The following CNTRL variants were observed in gnomAD, a reference collection of about 807,000 sequenced individuals.
CNTRL encodes 110 kDa centrosomal protein.
CNTRL carries 233 observed loss-of-function variants against 303.7 expected under a neutral mutation model. The ratio of observed to expected loss-of-function variants is 0.77; its 90% CI spans 0.69 to 0.86. CNTRL has a LOEUF of 0.86. Ranked by LOEUF, CNTRL falls within the 40% of genes least tolerant of loss-of-function variation. The pLI, the probability that CNTRL is intolerant of heterozygous loss-of-function variation, is 0.00. For missense variants in CNTRL, 2,524 were observed against 2,650.6 expected, an observed-to-expected ratio of 0.95 and a Z score of 1.05; for synonymous variants, 900 against 922.2, an observed-to-expected ratio of 0.98 and a Z score of 0.44.
At chr9:121,176,746 A>C (rs551686972) in intron 43 of CNTRL, among the ~76,000 whole-genome samples, 17 of 152,318 alleles carry the variant, frequency 1.1e-4, no homozygotes, top group Admixed American at 3.9e-4. Context: ...GAACTAGTTA[A>C]AAGTTAGGGG....
chr9:121,142,786 A>G (rs1473512179), intron 19 of CNTRL, among the ~76,000 whole-genome samples: 2 of 152,092 alleles, frequency 1.3e-5, no homozygotes, highest in Admixed American at 6.5e-5. Context: ...GTATCCACAC[A>G]CTTAAAATTT....
At position 121,141,583 on chromosome 9, in the gene CNTRL, G is replaced by T; in HGVS notation, c.2686G>T (p.Ala896Ser). The T allele has an allele frequency of 2.5e-6, 4 of 1,613,892 alleles. No individual in the cohort carries two copies. Among genetic ancestry groups the T allele is most frequent in the Non-Finnish European group, 3.4e-6 (4 of 1,179,896 alleles). ...FRQACERALE[A>S]RMNFDKRQHE... ...GCAGGCCTGTGAGAGAGCCCTGGAAGCAAGAGTAAGACAAGGGCAAGAGGC... is the reference window on the plus strand; with the variant it reads ...GCAGGCCTGTGAGAGAGCCCTGGAATCAAGAGTAAGACAAGGGCAAGAGGC... The change falls in exon 18 of 44, where the codon GCA becomes TCA. Residue 896 changes from alanine (A) to serine (S), a missense_variant. By Grantham distance (99) the Ala-to-Ser change is moderately conservative. Coordinates refer to ENST00000373855, the MANE Select transcript of CNTRL (RefSeq NM_007018.6).
intron 14 of CNTRL, among the ~76,000 whole-genome samples, chr9:121,126,840 A>G (rs892936727): frequency 2.8e-5 from 4 of 142,084 alleles, no homozygotes; most frequent in African/African-American, 7.6e-5. Flanking sequence ...TTTTTTTTTG[A>G]GATGAATTTT....
At chr9:121,125,564 A>T in intron 13 of CNTRL, 152 bp from the exon 14 acceptor site, 1 of 653,498 alleles carries the variant, frequency 1.5e-6, no homozygotes, top group Non-Finnish European at 2.6e-6. Flanking sequence ...TATCTATAAT[A>T]GGAAGAAAAT....
rs201781636 is a variant in CNTRL, at chr9:121,109,496, TTTAG to T, written c.1002+1506_1002+1509del. ...GTTCCATTAAATGTATTCTTCATAA[TTTAG>T]TTAGCCTATTCCTATTGATGGATAT... On this transcript the variant is annotated intron_variant, in intron 8 of 43. Coordinates refer to ENST00000373855, the MANE Select transcript of CNTRL (RefSeq NM_007018.6). 8.0e-3 allele frequency among the ~76,000 whole-genome samples: 1,211 copies of T among 152,318 alleles called. 15 individuals are homozygous for T. Among genetic ancestry groups the T allele is most frequent in the African/African-American group, 0.028 (1,146 of 41,584 alleles).
intron 4 of CNTRL, among the ~76,000 whole-genome samples, chr9:121,091,589 TC>T (rs1374240160): frequency 2.6e-5 from 4 of 152,160 alleles, no homozygotes; most frequent in Non-Finnish European, 4.4e-5. Flanking sequence ...ACACCTGTAA[TC>T]CCAGCACTTT....
intron 19 of CNTRL, among the ~76,000 whole-genome samples, chr9:121,142,718 CA>C (rs1310480932): frequency 6.6e-6 from 1 of 152,190 alleles, no homozygotes; most frequent in Non-Finnish European, 1.5e-5. Flanking sequence ...AAATTGCACC[CA>C]CCTCTGAAAT....
rs777276559 is a variant in CNTRL, at chr9:121,167,692, T to C, written c.5844+15T>C. On this transcript the variant is annotated intron_variant, in intron 37 of 43. Coordinates refer to ENST00000373855, the MANE Select transcript of CNTRL (RefSeq NM_007018.6). ...AACAAGAAATGGTACTACACATTTA[T>C]GATTTTACATAAAAAAAGCATTTTG... The C allele has an allele frequency of 4.4e-6, 7 of 1,601,134 alleles. No homozygotes were observed. The South Asian group carries it at 4.5e-5, about 10-fold the overall frequency.
In CNTRL at chr9:121,138,569, GA is replaced by G. The variant is rs771898333; in HGVS notation, c.2229del (p.Glu743AspfsTer43). The G allele has an allele frequency of 1.3e-5, 21 of 1,613,782 alleles. 1 individual carries two copies. Among genetic ancestry groups the G allele is most frequent in the Non-Finnish European group, 1.8e-5 (21 of 1,179,842 alleles). ...GTTAGAACAATCAGCCCTTCAAGCAGAACTTGAGAAGGAAAGGCAAGCCCTC... is the reference window on the plus strand; with the variant it reads ...GTTAGAACAATCAGCCCTTCAAGCAGACTTGAGAAGGAAAGGCAAGCCCTC... ...TQLEQSALQAELEKERQALKN... is the reference protein window; with the variant it reads ...TQLEQSALQAXLEKERQALKN... On this transcript the variant is annotated frameshift_variant, in exon 16 of 44. Coordinates refer to ENST00000373855, the MANE Select transcript of CNTRL (RefSeq NM_007018.6). LOFTEE classifies it high-confidence loss of function.
chr9:121,077,527 A>G (rs1482292871), intron 1 of CNTRL, among the ~76,000 whole-genome samples: 1 of 152,224 alleles, frequency 6.6e-6, no homozygotes. Context: ...CAAGCTTTAC[A>G]GAAGCTGTGG....
rs1217756472 is a variant in CNTRL at position 121,162,246 on chromosome 9, GA to G, written c.5405del (p.Lys1802SerfsTer9). On this transcript the variant is annotated frameshift_variant, in exon 34 of 44. Transcript: ENST00000373855. LOFTEE classifies it high-confidence loss of function. Reference sequence around the variant, plus strand: ...TCTCCAAGAGAAATGTGACATTTGGGAAAAAAAGTTGGCACAAACCAAAAGG... The same window carrying G: ...TCTCCAAGAGAAATGTGACATTTGGGAAAAAAGTTGGCACAAACCAAAAGG... ...EDLQEKCDIWEKKLAQTKRVL... is the reference protein window; with the variant it reads ...EDLQEKCDIWXKKLAQTKRVL... The G allele has an allele frequency of 1.2e-5, 20 of 1,613,898 alleles. No homozygotes were observed. Among genetic ancestry groups the G allele is most frequent in the Non-Finnish European group, 1.6e-5 (19 of 1,179,978 alleles).
chr9:121,123,069 C>CT (rs1353322228), intron 12 of CNTRL, among the ~76,000 whole-genome samples: 1 of 151,972 alleles, frequency 6.6e-6, no homozygotes, highest in Non-Finnish European at 1.5e-5. Context: ...TCTAAGAAAC[C>CT]TTTTTTAAAA....
chr9:121,175,347 G>A, intron 43 of CNTRL, 123 bp downstream of exon 43: 1 of 823,528 alleles, frequency 1.2e-6, no homozygotes, highest in South Asian at 1.4e-5. Context: ...GCTCACTGCA[G>A]CCTTGACCTC....
At position 121,168,186 on chromosome 9, in the gene CNTRL, G is replaced by A. The variant is rs1247710390; in HGVS notation, c.5935G>A (p.Glu1979Lys). Residue 1979 changes from glutamate (E) to lysine (K), a missense_variant, in exon 38 of 44, where the codon GAA (glutamate) becomes AAA (lysine). Transcript: ENST00000373855. ...ACTGAAGGAGCAACAGCACCAGCTGGAAAAGGAATTAACAGACCAGAAAAG... is the reference window on the plus strand; with the variant it reads ...ACTGAAGGAGCAACAGCACCAGCTGAAAAAGGAATTAACAGACCAGAAAAG... ...VTLKEQQHQL[E>K]KELTDQKSKL... is the part of the protein sequence containing the mutation. 4.3e-6 allele frequency: 7 copies of A among 1,614,054 alleles called. No homozygotes were observed. The highest frequency in any genetic ancestry group is 5.1e-6 in the Non-Finnish European group (6 of 1,180,034).
intron 14 of CNTRL, among the ~76,000 whole-genome samples, chr9:121,132,260 A>G (rs990501799): frequency 6.6e-6 from 1 of 152,214 alleles, no homozygotes; most frequent in African/African-American, 2.4e-5. Context: ...GTCACTTTTC[A>G]GGTACACCAT....
intron 7 of CNTRL, among the ~76,000 whole-genome samples, chr9:121,105,295 T>C (rs967021839): frequency 7.2e-5 from 11 of 152,206 alleles, no homozygotes; most frequent in African/African-American, 1.9e-4. Flanking sequence ...GTTTTGAAGG[T>C]AGAAGCAGCA....
intron 19 of CNTRL, among the ~76,000 whole-genome samples, chr9:121,142,696 T>C (rs528867518): frequency 6.6e-6 from 1 of 152,192 alleles, no homozygotes; most frequent in African/African-American, 2.4e-5. Context: ...TTCTGGACTT[T>C]GTCAAGTTTA....
chr9:121,110,397 A>G (rs904131582), intron 8 of CNTRL, among the ~76,000 whole-genome samples: 3 of 152,190 alleles, frequency 2.0e-5, no homozygotes, highest in Non-Finnish European at 4.4e-5. Context: ...ACATCCATGT[A>G]AGAATAATGC....
Position 121,143,975 on chromosome 9 carries a change from G to A in CNTRL, c.2944G>A (p.Ala982Thr). Reference protein sequence around the residue: ...LDKELKKLKKAVATSDKLATA... With the variant: ...LDKELKKLKKTVATSDKLATA... ...TAAAGAACTGAAGAAACTAAAGAAA[G>A]CCGTGGCCACCTCTGATAAGCTAGC... Residue 982 changes from alanine (A) to threonine (T), a missense_variant, in exon 20 of 44, where the codon GCC becomes ACC. Ala to Thr is a moderately conservative substitution (Grantham distance 58). Transcript: ENST00000373855. 1 of 1,613,858 alleles carries A rather than the reference G, an allele frequency of 6.2e-7. No individual in the cohort carries two copies. The highest frequency in any genetic ancestry group is 8.5e-7 in the Non-Finnish European group (1 of 1,179,886).
Sources: gnomAD v4.1 joint callset for allele counts (sites outside exome capture counted in the v4.1 genomes callset) on GRCh38, gnomAD v4.1.1 for gene constraint, MANE v1.5 for transcripts, NCBI Gene and HGNC (gene_info 2026-07-23, HGNC 2026-07-21) for gene names.